The following NSUN6 variants were observed in gnomAD, a reference collection of about 807,000 sequenced individuals.
The protein encoded by NSUN6 is NOP2/Sun RNA methyltransferase 6, also known as tRNA (cytosine(72)-C(5))-methyltransferase NSUN6.
NSUN6 carries 64 observed loss-of-function variants against 58.0 expected under a neutral mutation model. The ratio of observed to expected loss-of-function variants is 1.10; its 90% CI spans 0.90 to 1.36. The LOEUF (loss-of-function observed/expected upper bound fraction) is 1.36. Ranked by LOEUF, NSUN6 falls within the 40% of genes most tolerant of loss-of-function variation. The probability of loss-of-function intolerance (pLI) is 0.00; values close to 1 mark genes in which losing one functional copy is unlikely to be tolerated. For missense variants in NSUN6, 701 were observed against 550.1 expected (o/e 1.27, Z -2.74); for synonymous variants, 231 against 193.9 (o/e 1.19, Z -1.59).
intron 8 of NSUN6, among the ~76,000 whole-genome samples, chr10:18,563,085 A>AGAATG (rs570259001): frequency 8.6e-5 from 13 of 150,690 alleles, no homozygotes; most frequent in African/African-American, 1.2e-4. Context: ...CAGAGAATGC[A>AGAATG]GAATGGAATG....
chr10:18,616,454 A>G (rs2058414417), intron 3 of NSUN6, among the ~76,000 whole-genome samples, 161 bp from the exon 4 acceptor site: 2 of 152,222 alleles, frequency 1.3e-5, no homozygotes, highest in Non-Finnish European at 2.9e-5. Context: ...GAAACAGGAA[A>G]AAACAGCAAC....
upstream of NSUN6, chr10:18,655,267 T>C: frequency 9.0e-6 from 3 of 334,602 alleles, no homozygotes; most frequent in Non-Finnish European, 1.3e-5. Context: ...AATCTATATC[T>C]TTGACACCTC....
At chr10:18,551,742 G>A in intron 9 of NSUN6, 81 bp downstream of exon 9, 2 of 1,216,956 alleles carry the variant, frequency 1.6e-6, no homozygotes, top group African/African-American at 1.5e-5. Context: ...AATGAACGCT[G>A]CTATGGAGAT....
chr10:18,624,958 A>G (rs2691158), intron 3 of NSUN6, among the ~76,000 whole-genome samples: 33 of 152,306 alleles, frequency 2.2e-4, no homozygotes, highest in African/African-American at 6.0e-4. Flanking sequence ...ATTTCGGTAC[A>G]TGCTACGCAG....
intron 8 of NSUN6, among the ~76,000 whole-genome samples, chr10:18,581,453 A>T (rs2056899811): frequency 6.6e-6 from 1 of 152,196 alleles, no homozygotes; most frequent in Non-Finnish European, 1.5e-5. Context: ...AGCATCAGGA[A>T]ATTAACCTAT....
intron 7 of NSUN6, among the ~76,000 whole-genome samples, chr10:18,592,074 C>T (rs1460981734): frequency 3.3e-5 from 5 of 152,014 alleles, no homozygotes; most frequent in African/African-American, 4.8e-5. Flanking sequence ...TTTACACCAA[C>T]AACAGACAAG....
chr10:18,642,216 T>TG lies in NSUN6; in HGVS notation c.311+259dup, dbSNP rs34473844. 1.9e-3 allele frequency among the ~76,000 whole-genome samples: 284 copies of TG among 150,134 alleles called. 3 individuals carry two copies. The highest frequency in any genetic ancestry group is 0.01 in the Middle Eastern group (3 of 288). On this transcript the variant is annotated intron_variant, in intron 3 of 10. Transcript: ENST00000377304. ...AAATGAAATAAAACTTCACAGAAAG[T>TG]GGGGGGGGGAAAACATCACTGCACT...
chr10:18,600,959 T>TATATATATATATATATACACAC, intron 6 of NSUN6, among the ~76,000 whole-genome samples: 9 of 64,960 alleles, frequency 1.4e-4, no homozygotes, highest in Non-Finnish European at 2.8e-4. Flanking sequence ...TATATATATA[T>TATATATATATATATATACACAC]ACATATATAT....
rs562561999 is a variant in NSUN6 at position 18,572,961 on chromosome 10, T to C, written c.922+12988A>G. Reference sequence around the variant, plus strand: ...TTCCTTTCTCCATTCCATTCCATTCTCCATTCCATTTCATTCTCCATTCCT... The same window carrying C: ...TTCCTTTCTCCATTCCATTCCATTCCCCATTCCATTTCATTCTCCATTCCT... On this transcript the variant is annotated intron_variant, in intron 8 of 10. Coordinates refer to ENST00000377304, the MANE Select transcript of NSUN6 (RefSeq NM_182543.5). 7.3e-5 allele frequency among the ~76,000 whole-genome samples: 11 copies of C among 150,986 alleles called. No individual in the cohort carries two copies. In the East Asian group the frequency reaches 1.8e-3, roughly 24 times the overall value.
intron 10 of NSUN6, among the ~76,000 whole-genome samples, chr10:18,546,701 C>A (rs2054284227): frequency 1.3e-5 from 2 of 151,884 alleles, no homozygotes; most frequent in Admixed American, 1.3e-4. Context: ...AACAAGGTGA[C>A]ACCCTGTCTC....
intron 8 of NSUN6, among the ~76,000 whole-genome samples, chr10:18,560,961 T>G (rs927312723): frequency 4.8e-5 from 7 of 144,664 alleles, no homozygotes; most frequent in Non-Finnish European, 1.1e-4. Context: ...AAATGGAACA[T>G]GAAATGCAGT....
At chr10:18,571,312 CCTT>C (rs973808484) in intron 8 of NSUN6, among the ~76,000 whole-genome samples, 3 of 150,772 alleles carry the variant, frequency 2.0e-5, no homozygotes, top group South Asian at 2.1e-4. Context: ...CATTCCATTC[CCTT>C]CTTTTCTCCA....
At chr10:18,603,366 G>A (rs1309101174) in intron 6 of NSUN6, among the ~76,000 whole-genome samples, 1 of 152,202 alleles carries the variant, frequency 6.6e-6, no homozygotes, top group African/African-American at 2.4e-5. Flanking sequence ...CTATGCACTG[G>A]AGTTAAGAAA....
chr10:18,574,385 G>A (rs970885156), intron 8 of NSUN6, among the ~76,000 whole-genome samples: 14 of 152,024 alleles, frequency 9.2e-5, no homozygotes, highest in East Asian at 1.9e-4. Flanking sequence ...ATAGACCACC[G>A]AAAATTCACT....
At chr10:18,649,441 C>T (rs549005810) in intron 1 of NSUN6, among the ~76,000 whole-genome samples, 10 of 152,208 alleles carry the variant, frequency 6.6e-5, no homozygotes, top group African/African-American at 2.4e-4. Context: ...GCCTGGGCAA[C>T]ATGGTGAAAC....
chr10:18,644,618 C>T (rs1436163568), intron 2 of NSUN6, among the ~76,000 whole-genome samples: 6 of 151,122 alleles, frequency 4.0e-5, no homozygotes, highest in African/African-American at 7.3e-5. Context: ...GGGTGGATCA[C>T]GAGGTCAGGA....
At chr10:18,603,208 G>A (rs1007024846) in intron 6 of NSUN6, among the ~76,000 whole-genome samples, 10 of 152,126 alleles carry the variant, frequency 6.6e-5, no homozygotes, top group Non-Finnish European at 1.3e-4. Context: ...CATGAGAATC[G>A]GTTGAACCTG....
intron 8 of NSUN6, among the ~76,000 whole-genome samples, chr10:18,574,244 C>T (rs184197947): frequency 6.6e-6 from 1 of 152,158 alleles, no homozygotes; most frequent in East Asian, 1.9e-4. Flanking sequence ...GAAAGTTAAC[C>T]TTTGGAGGAA....
intron 8 of NSUN6, among the ~76,000 whole-genome samples, chr10:18,562,435 G>A (rs1226403158): frequency 5.5e-5 from 8 of 145,288 alleles, no homozygotes; most frequent in East Asian, 2.1e-4. Flanking sequence ...AATGGAATGC[G>A]GAATGGAATG....
Sources: allele counts gnomAD v4.1 joint callset (sites outside exome capture counted in the v4.1 genomes callset), GRCh38; gene constraint gnomAD v4.1.1; transcripts MANE v1.5; gene names NCBI Gene and HGNC (gene_info 2026-07-23, HGNC 2026-07-21).